FRMPD4: variants seen among roughly 807,000 people sequenced by gnomAD.
The protein encoded by FRMPD4 is FERM and PDZ domain-containing protein 4.
Under a neutral mutation model 94.1 loss-of-function variants are expected in FRMPD4, and 22 were observed. The observed-to-expected ratio is 0.23, with a 90% CI of 0.17 to 0.33. The LOEUF is 0.33. FRMPD4 is among the 10% of genes least tolerant of loss of function. The pLI, the probability that FRMPD4 is intolerant of heterozygous loss-of-function variation, is 1.00. For synonymous variants in FRMPD4, 631 were observed against 548.6 expected, an observed-to-expected ratio of 1.15 and a Z score of -2.10; for missense variants, 1,111 against 1,339.9, an observed-to-expected ratio of 0.83 and a Z score of 2.67.
rs186185145 is a variant in FRMPD4 at position 11,863,575 on chromosome X, T to C, written c.-160-1511T>C. Among the ~76,000 whole-genome samples, 990 of 111,621 alleles carry C rather than the reference T, an allele frequency of 8.9e-3. 2 individuals are homozygous for C. The highest frequency in any genetic ancestry group is 0.015 in the Non-Finnish European group (816 of 53,074). ...TACATTCTTTCCCTTATTAAAAGAA[T>C]GATGACACATATTATTTTATAATGC... On this transcript the variant is annotated intron_variant, in intron 1 of 18. Transcript: ENST00000640291.
intron 1 of FRMPD4, among the ~76,000 whole-genome samples, chrX:12,483,162 T>C (rs991558978): frequency 9.0e-6 from 1 of 111,688 alleles, no homozygotes; most frequent in African/African-American, 3.3e-5. Flanking sequence ...AGGAGTAGGT[T>C]TGGGGGAATG....
intron 1 of FRMPD4, among the ~76,000 whole-genome samples, chrX:12,351,147 G>C (rs2055803795): frequency 9.9e-6 from 1 of 101,285 alleles, no homozygotes; most frequent in Non-Finnish European, 2.0e-5. Context: ...ACTCCAGCCT[G>C]GTGACAGAGT....
intron 2 of FRMPD4, among the ~76,000 whole-genome samples, chrX:12,538,471 A>T (rs2058366453): frequency 8.9e-6 from 1 of 111,777 alleles, no homozygotes; most frequent in Non-Finnish European, 1.9e-5. Context: ...AGCTTTGAAG[A>T]GAGTAGTGGT....
At chrX:12,478,029 A>T (rs1161289926) in intron 1 of FRMPD4, among the ~76,000 whole-genome samples, 1 of 112,405 alleles carries the variant, frequency 8.9e-6, no homozygotes, top group African/African-American at 3.2e-5. Context: ...GTGGCATGGG[A>T]AAGTGTCTCC....
intron 3 of FRMPD4, among the ~76,000 whole-genome samples, chrX:12,092,349 A>C (rs1432413201): frequency 8.9e-6 from 1 of 112,382 alleles, no homozygotes; most frequent in Non-Finnish European, 1.9e-5. Context: ...TCTTGGACTG[A>C]AACTTTGATG....
At chrX:12,534,085 T>C (rs138173498) in intron 2 of FRMPD4, among the ~76,000 whole-genome samples, 1,749 of 112,804 alleles carry the variant, frequency 0.016, 33 homozygotes, top group African/African-American at 0.053. Flanking sequence ...TGCAGCCTAG[T>C]GACTTGATGC....
chrX:12,185,880 A>G (rs766426306), intron 1 of FRMPD4, among the ~76,000 whole-genome samples: 1 of 111,619 alleles, frequency 9.0e-6, no homozygotes, highest in Non-Finnish European at 1.9e-5. Flanking sequence ...CTCTATTATA[A>G]GAAATCACTG....
At chrX:12,088,738 C>A (rs1167382839) in intron 3 of FRMPD4, among the ~76,000 whole-genome samples, 1 of 112,253 alleles carries the variant, frequency 8.9e-6, no homozygotes, top group Non-Finnish European at 1.9e-5. Flanking sequence ...ACAGAAAGCA[C>A]TACCTGGAAA....
At chrX:12,069,184 G>T (rs910883142) in intron 3 of FRMPD4, among the ~76,000 whole-genome samples, 2 of 111,653 alleles carry the variant, frequency 1.8e-5, no homozygotes, top group African/African-American at 6.5e-5. Context: ...ATGCTTTGCA[G>T]GTTCAATGAC....
At chrX:11,904,374 A>G (rs969422111) in intron 3 of FRMPD4, among the ~76,000 whole-genome samples, 1 of 112,296 alleles carries the variant, frequency 8.9e-6, no homozygotes, top group Non-Finnish European at 1.9e-5. Flanking sequence ...GCTCAAAGCT[A>G]AGGAAGGATA....
At chrX:12,301,009 A>C (rs1163228013) in intron 1 of FRMPD4, among the ~76,000 whole-genome samples, 1 of 112,058 alleles carries the variant, frequency 8.9e-6, no homozygotes, top group Admixed American at 9.4e-5. Context: ...ACCAAAGAGC[A>C]GAAGTGTTTC....
chrX:12,353,731 A>ATTTGTCTGAT (rs1275390148), intron 1 of FRMPD4, among the ~76,000 whole-genome samples: 16 of 112,400 alleles, frequency 1.4e-4, no homozygotes, highest in African/African-American at 5.2e-4. Context: ...GACTGATTTT[A>ATTTGTCTGAT]TTTATTTGTT....
intron 1 of FRMPD4, among the ~76,000 whole-genome samples, chrX:12,168,500 AT>A (rs2056161933): frequency 9.0e-6 from 1 of 111,062 alleles, no homozygotes; most frequent in African/African-American, 3.3e-5. Flanking sequence ...ATTTAGGAAG[AT>A]TTTTAGATGC....
intron 1 of FRMPD4, among the ~76,000 whole-genome samples, chrX:12,346,331 A>G (rs2055709586): frequency 9.0e-6 from 1 of 110,573 alleles, no homozygotes; most frequent in Non-Finnish European, 1.9e-5. Flanking sequence ...AGAGGAAGGC[A>G]GAGTCCAATC....
intron 4 of FRMPD4, among the ~76,000 whole-genome samples, chrX:12,634,000 T>A (rs780179736): frequency 8.7e-4 from 98 of 112,675 alleles, no homozygotes; most frequent in African/African-American, 3.1e-3. Context: ...ATAAATCTTG[T>A]CATTAGACAG....
intron 1 of FRMPD4, among the ~76,000 whole-genome samples, chrX:12,150,319 T>G (rs776686031): frequency 1.8e-5 from 2 of 112,173 alleles, no homozygotes; most frequent in South Asian, 3.7e-4. Context: ...CTCCTTCCGA[T>G]TTTTAGGATC....
intron 1 of FRMPD4, among the ~76,000 whole-genome samples, chrX:12,233,227 A>T (rs2057032218): frequency 8.9e-6 from 1 of 112,090 alleles, no homozygotes; most frequent in Non-Finnish European, 1.9e-5. Context: ...GAATGTCAAA[A>T]TAGTATATTT....
intron 4 of FRMPD4, among the ~76,000 whole-genome samples, chrX:12,648,068 A>T (rs1158265330): frequency 9.0e-6 from 1 of 111,157 alleles, no homozygotes. Flanking sequence ...AGCACTCCTG[A>T]TCTCCACATC....
rs146259007 is a variant in FRMPD4 at position 12,386,816 on chromosome X, G to A, written c.42-111864G>A. ...GCAAGAATTTGTCATCAGAAAAGGAGATTATTTTGTTATAAAGAGATCTAG... is the reference window on the plus strand; with the variant it reads ...GCAAGAATTTGTCATCAGAAAAGGAAATTATTTTGTTATAAAGAGATCTAG... On this transcript the variant is annotated intron_variant, in intron 1 of 16. Transcript: ENST00000675598. Among the ~76,000 whole-genome samples the A allele has an allele frequency of 6.8e-3, 756 of 111,229 alleles. 8 individuals are homozygous for A. The highest frequency in any genetic ancestry group is 0.024 in the African/African-American group (724 of 30,663).
Sources: gnomAD v4.1 joint callset for allele counts (sites outside exome capture counted in the v4.1 genomes callset) on GRCh38, gnomAD v4.1.1 for gene constraint, MANE v1.5 for transcripts, NCBI Gene and HGNC (gene_info 2026-07-23, HGNC 2026-07-21) for gene names.